RAVER2: variants seen among roughly 807,000 people sequenced by gnomAD.
RAVER2 encodes the protein ribonucleoprotein, PTB binding 2, also known as ribonucleoprotein PTB-binding 2.
Under a neutral mutation model 78.1 loss-of-function variants are expected in RAVER2, and 46 were observed. That is an observed-to-expected ratio of 0.59 (90% CI 0.46 to 0.75). The LOEUF (loss-of-function observed/expected upper bound fraction) is 0.75, where lower values mean the gene tolerates loss of function less well. Ranked by LOEUF, RAVER2 falls within the 30% of genes least tolerant of loss-of-function variation. The pLI is 0.00. For synonymous variants in RAVER2, 311 were observed against 313.3 expected, an observed-to-expected ratio of 0.99 and a Z score of 0.08; for missense variants, 793 against 837.5, an observed-to-expected ratio of 0.95 and a Z score of 0.66.
intron 6 of RAVER2, among the ~76,000 whole-genome samples, chr1:64,803,852 A>G (rs564873019): frequency 6.6e-6 from 1 of 152,342 alleles, no homozygotes; most frequent in South Asian, 2.1e-4. Context: ...TAGAATTTCA[A>G]CCAGTAGGGA....
intron 11 of RAVER2, among the ~76,000 whole-genome samples, chr1:64,824,294 G>A (rs1409424271): frequency 2.0e-5 from 3 of 152,182 alleles, no homozygotes; most frequent in African/African-American, 7.2e-5. Context: ...GTGATGAGGG[G>A]AAGAGGAAAG....
chr1:64,748,308 CTT>C (rs1221362856), intron 1 of RAVER2, among the ~76,000 whole-genome samples: 6 of 152,224 alleles, frequency 3.9e-5, no homozygotes, highest in African/African-American at 1.4e-4. Flanking sequence ...CTTTTCGTCT[CTT>C]GTTCACTGTT....
At chr1:64,800,045 G>T (rs1430507585) in intron 5 of RAVER2, among the ~76,000 whole-genome samples, 2 of 151,198 alleles carry the variant, frequency 1.3e-5, no homozygotes, top group African/African-American at 4.9e-5. Flanking sequence ...ATACTTGTTG[G>T]TCATTTATAT....
chr1:64,762,550 G>A (rs900355238), intron 1 of RAVER2, among the ~76,000 whole-genome samples: 10 of 151,836 alleles, frequency 6.6e-5, no homozygotes, highest in African/African-American at 7.3e-5. Context: ...TGTGATATTG[G>A]TACAGTGACT....
chr1:64,747,214 G>A (rs1392510059), intron 1 of RAVER2, among the ~76,000 whole-genome samples: 1 of 152,114 alleles, frequency 6.6e-6, no homozygotes, highest in Non-Finnish European at 1.5e-5. Context: ...ATTTTCATAT[G>A]TTCTGCATGA....
chr1:64,799,880 G>C (rs1300528787), intron 5 of RAVER2, among the ~76,000 whole-genome samples: 1 of 152,148 alleles, frequency 6.6e-6, no homozygotes, highest in East Asian at 1.9e-4. Flanking sequence ...AGCAGTGTAA[G>C]AGAGTTCCCT....
At chr1:64,761,987 T>A (rs1652036814) in intron 1 of RAVER2, among the ~76,000 whole-genome samples, 1 of 151,608 alleles carries the variant, frequency 6.6e-6, no homozygotes, top group Admixed American at 6.6e-5. Context: ...TGGTGGCACA[T>A]GCCTGTAGTC....
intron 11 of RAVER2, among the ~76,000 whole-genome samples, chr1:64,817,555 ATGGAATACTATGCAG>A (rs1653784321): frequency 6.6e-6 from 1 of 152,144 alleles, no homozygotes; most frequent in African/African-American, 2.4e-5. Context: ...CATATGCACC[ATGGAATACTATGCAG>A]CCATAAAAAA....
chr1:64,745,523 G>A lies in RAVER2; in HGVS notation c.249+102G>A. ...GCGCCTCAGAGCGGTCCTGGGGAGT[G>A]GGTCGGCGCCGAGTGGTGAGAGCGG... On this transcript the variant is annotated intron_variant, in intron 1 of 11. Coordinates refer to ENST00000294428, the Ensembl canonical transcript of RAVER2. This position sits in a 1 kb window ranked among gnomAD's most constrained non-coding sequence, Gnocchi z 4.3. The A allele has an allele frequency of 1.5e-6, 2 of 1,312,944 alleles. 1 individual carries two copies. Among genetic ancestry groups the A allele is most frequent in the South Asian group, 3.2e-5 (2 of 62,590 alleles). 81.3% of individuals were successfully genotyped at this position (1,312,944 alleles called of 1,614,324 possible).
At chr1:64,770,641 G>C (rs748084517) in intron 2 of RAVER2, among the ~76,000 whole-genome samples, 2 of 151,958 alleles carry the variant, frequency 1.3e-5, no homozygotes, top group Non-Finnish European at 2.9e-5. Flanking sequence ...AATTGACACA[G>C]ATGAATTAAT....
At chr1:64,809,628 TACCATTTTA>T (rs1273189573) in intron 9 of RAVER2, among the ~76,000 whole-genome samples, 5 of 152,298 alleles carry the variant, frequency 3.3e-5, no homozygotes, top group African/African-American at 1.2e-4. Context: ...ACATACAATT[TACCATTTTA>T]ACCATTTTAA....
intron 1 of RAVER2, among the ~76,000 whole-genome samples, chr1:64,752,599 C>T (rs1310247627): frequency 6.6e-6 from 1 of 152,146 alleles, no homozygotes; most frequent in Admixed American, 6.6e-5. Context: ...TGAAGACCTA[C>T]CTCTTTTTTA....
chr1:64,748,591 A>G (rs747779249), intron 1 of RAVER2, among the ~76,000 whole-genome samples: 2 of 152,218 alleles, frequency 1.3e-5, no homozygotes, highest in Non-Finnish European at 2.9e-5. Context: ...ATTTTATATT[A>G]ATTTTATATT....
chr1:64,756,609 CT>C (rs1570527228), intron 1 of RAVER2, among the ~76,000 whole-genome samples: 1 of 152,124 alleles, frequency 6.6e-6, no homozygotes, highest in Non-Finnish European at 1.5e-5. Flanking sequence ...CCAGTTTCCC[CT>C]GATGTTACAT....
intron 4 of RAVER2, among the ~76,000 whole-genome samples, chr1:64,786,754 T>C (rs1394386774): frequency 6.6e-6 from 1 of 152,154 alleles, no homozygotes; most frequent in Non-Finnish European, 1.5e-5. Context: ...GATCACACCA[T>C]TGCCCTCCAG....
At chr1:64,759,491 TTAC>T (rs1651955153) in intron 1 of RAVER2, among the ~76,000 whole-genome samples, 1 of 151,552 alleles carries the variant, frequency 6.6e-6, no homozygotes, top group African/African-American at 2.4e-5. Flanking sequence ...AGTGCTGGGA[TTAC>T]AGACGTGAGC....
intron 1 of RAVER2, among the ~76,000 whole-genome samples, chr1:64,762,707 C>T (rs1383589198): frequency 1.3e-5 from 2 of 152,134 alleles, no homozygotes; most frequent in African/African-American, 2.4e-5. Flanking sequence ...TGACCCCTAC[C>T]TAATACCACT....
chr1:64,767,723 T>C (rs1652211173), intron 1 of RAVER2, among the ~76,000 whole-genome samples: 1 of 152,012 alleles, frequency 6.6e-6, no homozygotes, highest in African/African-American at 2.4e-5. Flanking sequence ...CACATATTGA[T>C]TTAACAACGA....
intron 2 of RAVER2, among the ~76,000 whole-genome samples, chr1:64,770,805 C>T (rs1321759541): frequency 6.6e-6 from 1 of 151,696 alleles, no homozygotes; most frequent in Non-Finnish European, 1.5e-5. Flanking sequence ...ATGAAATACA[C>T]TGGATAGGAT....
Sources: allele counts gnomAD v4.1 joint callset (sites outside exome capture counted in the v4.1 genomes callset), GRCh38; gene constraint gnomAD v4.1.1; non-coding constraint Gnocchi (gnomAD v3.1); transcripts MANE v1.5; gene names NCBI Gene and HGNC (gene_info 2026-07-23, HGNC 2026-07-21).